KCNB2: variants seen among roughly 807,000 people sequenced by gnomAD.
The protein encoded by KCNB2 is delayed rectifier potassium channel protein.
A neutral mutation model predicts 61.5 loss-of-function variants in KCNB2; 15 were observed. That is an observed-to-expected ratio of 0.24 (90% CI 0.16 to 0.38). The LOEUF is 0.38. Among genes scored for constraint, KCNB2 ranks in the 10% least tolerant of loss-of-function variants. KCNB2 has a pLI of 1.00. For synonymous variants in KCNB2, 457 were observed against 446.0 expected, an observed-to-expected ratio of 1.02 and a Z score of -0.31; for missense variants, 828 against 1,125.2, an observed-to-expected ratio of 0.74 and a Z score of 3.78.
chr8:72,809,294 G>A (rs1809269881), intron 2 of KCNB2, among the ~76,000 whole-genome samples: 1 of 152,130 alleles, frequency 6.6e-6, no homozygotes, highest in South Asian at 2.1e-4. Flanking sequence ...ACTTTAACCA[G>A]TTTCCCTAAC....
At chr8:72,827,846 T>A (rs1450381444) in intron 2 of KCNB2, among the ~76,000 whole-genome samples, 2 of 151,380 alleles carry the variant, frequency 1.3e-5, no homozygotes, top group South Asian at 4.2e-4. Flanking sequence ...GGAGTCTCAC[T>A]CTGCCGCCCA....
chr8:72,757,274 C>T (rs1808304696), intron 2 of KCNB2, among the ~76,000 whole-genome samples: 1 of 152,034 alleles, frequency 6.6e-6, no homozygotes, highest in African/African-American at 2.4e-5. Flanking sequence ...ATTGAATTGG[C>T]AATGTGAAGG....
At chr8:72,717,411 T>G (rs1807464454) in intron 2 of KCNB2, among the ~76,000 whole-genome samples, 1 of 151,908 alleles carries the variant, frequency 6.6e-6, no homozygotes, top group Non-Finnish European at 1.5e-5. Flanking sequence ...GACTTCAAAC[T>G]ATACTACAAG....
At chr8:72,610,292 T>C (rs1158618639) in intron 2 of KCNB2, among the ~76,000 whole-genome samples, 2 of 152,168 alleles carry the variant, frequency 1.3e-5, no homozygotes, top group Non-Finnish European at 2.9e-5. Flanking sequence ...ATCAGTGGGA[T>C]TTCTTCCTCC....
intron 2 of KCNB2, among the ~76,000 whole-genome samples, chr8:72,683,243 T>C (rs1325977141): frequency 6.6e-6 from 1 of 152,238 alleles, no homozygotes; most frequent in African/African-American, 2.4e-5. Context: ...GCCTTTTCCA[T>C]TGCTTCTGAC....
chr8:72,562,817 G>A (rs1309201019), intron 1 of KCNB2, among the ~76,000 whole-genome samples: 1 of 152,100 alleles, frequency 6.6e-6, no homozygotes, highest in Non-Finnish European at 1.5e-5. Context: ...ACTTATGAAA[G>A]TATATGTGAG....
At chr8:72,672,959 C>T (rs1806589845) in intron 2 of KCNB2, among the ~76,000 whole-genome samples, 2 of 152,158 alleles carry the variant, frequency 1.3e-5, no homozygotes, top group Admixed American at 1.3e-4. Context: ...AAGTAAAATG[C>T]TGCAGCTGCT....
chr8:72,914,635 G>A (rs962575195), intron 2 of KCNB2, among the ~76,000 whole-genome samples: 1 of 152,094 alleles, frequency 6.6e-6, no homozygotes. Flanking sequence ...GATCTAAACA[G>A]GATACTTTGA....
chr8:72,637,307 G>A (rs76639282), intron 2 of KCNB2, among the ~76,000 whole-genome samples: 7,165 of 152,222 alleles, frequency 0.047, 243 homozygotes, highest in Non-Finnish European at 0.07. Context: ...GCCTGGTCAG[G>A]AAAATTCGTC....
intron 2 of KCNB2, among the ~76,000 whole-genome samples, chr8:72,909,280 A>T (rs2129007259): frequency 6.6e-6 from 1 of 152,270 alleles, no homozygotes; most frequent in South Asian, 2.1e-4. Context: ...ATGTCAACCC[A>T]ATGAGGAGAG....
intron 2 of KCNB2, among the ~76,000 whole-genome samples, chr8:72,842,049 T>C (rs1158859138): frequency 6.6e-6 from 1 of 152,240 alleles, no homozygotes; most frequent in Non-Finnish European, 1.5e-5. Flanking sequence ...TTCAGTATGA[T>C]ATTGGCTGTG....
intron 2 of KCNB2, among the ~76,000 whole-genome samples, chr8:72,747,559 A>G (rs925114573): frequency 2.0e-5 from 3 of 152,178 alleles, no homozygotes; most frequent in Non-Finnish European, 2.9e-5. Context: ...AGACCCCAAG[A>G]GAGGGTTCTT....
chr8:72,724,611 G>A lies in KCNB2; in HGVS notation c.579+156298G>A, dbSNP rs554420381. ...GCCAAATACAATATTAGGACACCAC[G>A]TTAAATTTGAATTTCAGATAAATAA... On this transcript the variant is annotated intron_variant, in intron 2 of 2. Coordinates refer to ENST00000523207, the MANE Select transcript of KCNB2 (RefSeq NM_004770.3). Among the ~76,000 whole-genome samples, 203 of 152,114 alleles carry A rather than the reference G, an allele frequency of 1.3e-3. 1 individual carries two copies. The highest frequency in any genetic ancestry group is 1.7e-3 in the Non-Finnish European group (117 of 68,000).
intron 2 of KCNB2, among the ~76,000 whole-genome samples, chr8:72,795,574 G>A (rs186591220): frequency 8.5e-4 from 129 of 152,284 alleles, no homozygotes; most frequent in African/African-American, 3.0e-3. Context: ...ACAGGAAATC[G>A]GATTACAGTT....
At chr8:72,608,929 A>G (rs1805497082) in intron 2 of KCNB2, among the ~76,000 whole-genome samples, 1 of 152,194 alleles carries the variant, frequency 6.6e-6, no homozygotes, top group Non-Finnish European at 1.5e-5. Flanking sequence ...AGGAGTTAAG[A>G]TGTTCAAACA....
chr8:72,887,583 C>G (rs1268274311), intron 2 of KCNB2, among the ~76,000 whole-genome samples: 1 of 152,206 alleles, frequency 6.6e-6, no homozygotes, highest in Non-Finnish European at 1.5e-5. Context: ...TGGATTTATC[C>G]TGGCCCCCTA....
chr8:72,811,325 CATA>C (rs1391255471), intron 2 of KCNB2, among the ~76,000 whole-genome samples: 1 of 151,768 alleles, frequency 6.6e-6, no homozygotes, highest in Non-Finnish European at 1.5e-5. Context: ...AAAAATTTAA[CATA>C]ATAAATTTTG....
In KCNB2 at chr8:72,778,555, T is replaced by C. The variant is rs575467070; in HGVS notation, c.580-157380T>C. On this transcript the variant is annotated intron_variant, in intron 2 of 2. Coordinates refer to ENST00000523207, the MANE Select transcript of KCNB2 (RefSeq NM_004770.3). ...GAGTTTGAGACCAGCCTGGGAAACA[T>C]GGAGAAACCCGGTCTCTACAAAGAA... Among the ~76,000 whole-genome samples the C allele has an allele frequency of 7.3e-5, 11 of 150,622 alleles. No individual in the cohort carries two copies. In the East Asian group the frequency reaches 2.2e-3, roughly 29 times the overall value.
intron 2 of KCNB2, among the ~76,000 whole-genome samples, chr8:72,598,997 A>G (rs1037552011): frequency 1.3e-5 from 2 of 152,246 alleles, no homozygotes; most frequent in African/African-American, 4.8e-5. Flanking sequence ...AGGAAGAATC[A>G]ATATCGTGAA....
Sources: allele counts gnomAD v4.1 joint callset (sites outside exome capture counted in the v4.1 genomes callset), GRCh38; gene constraint gnomAD v4.1.1; transcripts MANE v1.5; gene names NCBI Gene and HGNC (gene_info 2026-07-23, HGNC 2026-07-21).